The following PCDHGA5 variants were observed in gnomAD, a reference collection of about 807,000 sequenced individuals.
PCDHGA5 encodes the protein protocadherin gamma subfamily A, 5.
In PCDHGA5, 36 loss-of-function variants were observed where a neutral mutation model predicts 56.7. The observed-to-expected ratio is 0.64, with a 90% CI of 0.49 to 0.84. The LOEUF (loss-of-function observed/expected upper bound fraction) is 0.84, where lower values mean the gene tolerates loss of function less well. PCDHGA5 is among the 40% of genes least tolerant of loss of function. The probability of loss-of-function intolerance (pLI) is 0.00; values close to 1 mark genes in which losing one functional copy is unlikely to be tolerated. For synonymous variants in PCDHGA5, 563 were observed against 520.2 expected, an observed-to-expected ratio of 1.08 and a Z score of -1.12; for missense variants, 1,305 against 1,201.5, an observed-to-expected ratio of 1.09 and a Z score of -1.27.
At chr5:141,421,720 G>A (rs372813759) in intron 1 of PCDHGA5, 4 of 1,613,788 alleles carry the variant, frequency 2.5e-6, no homozygotes, top group Non-Finnish European at 3.4e-6. Context: ...AGATGTGGGC[G>A]TGAACTCCCT....
chr5:141,490,132 A>G lies in PCDHGA5; in HGVS notation c.2422-4675A>G, dbSNP rs1245562757. The G allele has an allele frequency of 3.7e-6, 6 of 1,614,102 alleles. No homozygotes were observed. In the African/African-American group the frequency reaches 4.0e-5, roughly 11 times the overall value. ...GCGGAACCTCTTTGGCCTAGACCCTAGCAGTGGGGCAATCCATGTGTTGGG... is the reference window on the plus strand; with the variant it reads ...GCGGAACCTCTTTGGCCTAGACCCTGGCAGTGGGGCAATCCATGTGTTGGG... On this transcript the variant is annotated intron_variant, in intron 1 of 3. Coordinates refer to ENST00000518069, the MANE Select transcript of PCDHGA5 (RefSeq NM_018918.3). The surrounding 1 kb of genome is among the most constrained non-coding windows in gnomAD (Gnocchi z 5.4).
Position 141,389,586 on chromosome 5 carries a change from G to A in PCDHGA5, c.2421+22835G>A, listed in dbSNP as rs369593580. 471 of 1,613,048 alleles carry A rather than the reference G, an allele frequency of 2.9e-4. No homozygotes were observed. Among genetic ancestry groups the A allele is most frequent in the Non-Finnish European group, 3.8e-4 (446 of 1,179,788 alleles). ...GGTGCTGTACCCCGCGCTGGGTCCC[G>A]ACGGCTCTGCGCTCTTCGATATGGT... On this transcript the variant is annotated intron_variant, in intron 1 of 3. Coordinates refer to ENST00000518069, the MANE Select transcript of PCDHGA5 (RefSeq NM_018918.3).
intron 1 of PCDHGA5, among the ~76,000 whole-genome samples, chr5:141,381,823 C>CTTTCTTTCT (rs1777506241): frequency 9.8e-6 from 1 of 101,610 alleles, no homozygotes; most frequent in African/African-American, 4.3e-5. Context: ...TTTCTTTCTT[C>CTTTCTTTCT]TTCTTTTTTT....
Position 141,432,110 on chromosome 5 carries a change from G to T in PCDHGA5, c.2422-62697G>T, listed in dbSNP as rs768038692. The T allele has an allele frequency of 6.2e-7, 1 of 1,614,108 alleles. No homozygotes were observed. Among genetic ancestry groups the T allele is most frequent in the Non-Finnish European group, 8.5e-7 (1 of 1,180,036 alleles). ...GGCAGACACCAACGACAACCCGCCG[G>T]TCTTCCCTCAGGCCTCCTATTCCGC... On this transcript the variant is annotated intron_variant, in intron 1 of 3. Coordinates refer to ENST00000518069, the MANE Select transcript of PCDHGA5 (RefSeq NM_018918.3). The surrounding 1 kb of genome is among the most constrained non-coding windows in gnomAD (Gnocchi z 6.0).
rs201538255 is a variant in PCDHGA5 at position 141,476,796 on chromosome 5, G to A, written c.2422-18011G>A. 10 of 1,613,584 alleles carry A rather than the reference G, an allele frequency of 6.2e-6. No individual in the cohort carries two copies. In the East Asian group the frequency reaches 2.2e-4, roughly 36 times the overall value. On this transcript the variant is annotated intron_variant, in intron 1 of 3. Transcript: ENST00000518069. This position sits in a 1 kb window ranked among gnomAD's most constrained non-coding sequence, Gnocchi z 7.6. Reference sequence around the variant, plus strand: ...GGAGGGACCCCAGCTCTCTCCGCCAGCCTGCCTATTCACATCAAGGTGCTG... The same window carrying A: ...GGAGGGACCCCAGCTCTCTCCGCCAACCTGCCTATTCACATCAAGGTGCTG...
At chr5:141,483,790 AGTT>A (rs963139644) in intron 1 of PCDHGA5, among the ~76,000 whole-genome samples, 14 of 152,290 alleles carry the variant, frequency 9.2e-5, no homozygotes, top group African/African-American at 3.4e-4. Flanking sequence ...TAAGAACTCC[AGTT>A]GTTGCTGCTT....
chr5:141,378,217 G>A (rs977724774), intron 1 of PCDHGA5: 2 of 152,186 alleles, frequency 1.3e-5, no homozygotes, highest in African/African-American at 4.8e-5. Context: ...CATACTGTGT[G>A]CCTGATAGTA....
In PCDHGA5 at chr5:141,365,077, G is replaced by A; in HGVS notation, c.747G>A (p.Val249=). 1 of 1,613,842 alleles carries A rather than the reference G, an allele frequency of 6.2e-7. No homozygotes were observed. Among genetic ancestry groups the A allele is most frequent in the African/African-American group, 1.3e-5 (1 of 75,056 alleles). Residue 249 remains valine, a synonymous_variant, in exon 1 of 4, where the codon GTG becomes GTA. Transcript: ENST00000518069. ...APLFTPSEYS[V]SVPENIPVGT... Reference sequence around the variant, plus strand: ...TGTTCACCCCATCCGAGTACAGCGTGAGTGTTCCAGAGAACATACCTGTGG... The same window carrying A: ...TGTTCACCCCATCCGAGTACAGCGTAAGTGTTCCAGAGAACATACCTGTGG...
chr5:141,432,178 T>C lies in PCDHGA5; in HGVS notation c.2422-62629T>C. Reference sequence around the variant, plus strand: ...ATCCCAGAGGAGTTTCCCTCGTCTCTGTGACCGCCCACGACCCCGACTGTG... The same window carrying C: ...ATCCCAGAGGAGTTTCCCTCGTCTCCGTGACCGCCCACGACCCCGACTGTG... On this transcript the variant is annotated intron_variant, in intron 1 of 3. Transcript: ENST00000518069. The surrounding 1 kb of genome is among the most constrained non-coding windows in gnomAD (Gnocchi z 6.0). 6.2e-7 allele frequency: 1 copy of C among 1,614,184 alleles called. No individual in the cohort carries two copies. The highest frequency in any genetic ancestry group is 8.5e-7 in the Non-Finnish European group (1 of 1,180,036).
chr5:141,375,724 A>T (rs1771805917), intron 1 of PCDHGA5: 1 of 1,614,144 alleles, frequency 6.2e-7, no homozygotes, highest in Non-Finnish European at 8.5e-7. Flanking sequence ...GCAACGTGTC[A>T]CTGAGCCTGT....
chr5:141,457,944 C>A (rs761151349), intron 1 of PCDHGA5, among the ~76,000 whole-genome samples: 33 of 152,310 alleles, frequency 2.2e-4, no homozygotes, highest in Non-Finnish European at 4.6e-4. Context: ...ATTGGCTCTG[C>A]ATGTCAAGCT....
intron 1 of PCDHGA5, chr5:141,418,954 T>G (rs1490406390): frequency 6.2e-7 from 1 of 1,613,914 alleles, no homozygotes; most frequent in East Asian, 2.2e-5. Flanking sequence ...CAGGAGTGGT[T>G]GTTGCCCTCT....
Position 141,365,838 on chromosome 5 carries a change from C to A in PCDHGA5, c.1508C>A (p.Ser503Tyr). 6.2e-7 allele frequency: 1 copy of A among 1,613,976 alleles called. No individual in the cohort carries two copies. Among genetic ancestry groups the A allele is most frequent in the Non-Finnish European group, 8.5e-7 (1 of 1,179,892 alleles). ...EDTFQGAPLSSYVSINSDTGV... is the reference protein window; with the variant it reads ...EDTFQGAPLSYYVSINSDTGV... ...ACATTTCAGGGGGCGCCCTTGTCCT[C>A]CTATGTATCCATTAACTCTGACACC... Residue 503 changes from serine to tyrosine, a missense_variant, in exon 1 of 4, where the codon TCC (serine) becomes TAC (tyrosine). Physicochemically the swap from Ser to Tyr is moderately radical, Grantham distance 144. Coordinates refer to ENST00000518069, the MANE Select transcript of PCDHGA5 (RefSeq NM_018918.3).
At position 141,431,316 on chromosome 5, in the gene PCDHGA5, C is replaced by T; in HGVS notation, c.2422-63491C>T. 6.2e-7 allele frequency: 1 copy of T among 1,614,104 alleles called. No individual in the cohort carries two copies. The highest frequency in any genetic ancestry group is 8.5e-7 in the Non-Finnish European group (1 of 1,180,046). The stretch of plus-strand genomic sequence containing the variant: ...TTCTCCCTCATCGTGCAAAATGGAG[C>T]CGACGGTAGTAAGTACCCCGAATTG... On this transcript the variant is annotated intron_variant, in intron 1 of 3. Transcript: ENST00000518069. The surrounding 1 kb of genome is among the most constrained non-coding windows in gnomAD (Gnocchi z 4.8).
At chr5:141,393,406 G>A (rs762034418) in intron 1 of PCDHGA5, 1 of 1,614,026 alleles carries the variant, frequency 6.2e-7, no homozygotes, top group Admixed American at 1.7e-5. Flanking sequence ...GTGCTGGAGC[G>A]CGCCCTGGAC....
intron 2 of PCDHGA5, among the ~76,000 whole-genome samples, chr5:141,497,603 G>A (rs1045138662): frequency 3.3e-5 from 5 of 149,832 alleles, no homozygotes; most frequent in Non-Finnish European, 7.4e-5. Context: ...GCAGTGGTGC[G>A]ATCTTGGCTC....
At chr5:141,402,534 TAC>T (rs2094278313) in intron 1 of PCDHGA5, among the ~76,000 whole-genome samples, 1 of 152,346 alleles carries the variant, frequency 6.6e-6, no homozygotes, top group Non-Finnish European at 1.5e-5. Context: ...GATTTTATAA[TAC>T]ACTTACAGAA....
At chr5:141,405,024 T>C in intron 1 of PCDHGA5, 1 of 1,613,920 alleles carries the variant, frequency 6.2e-7, no homozygotes, top group Non-Finnish European at 8.5e-7. Flanking sequence ...GACCTTACCC[T>C]CTACCTCGTT....
rs200625256 is a variant in PCDHGA5 at position 141,477,009 on chromosome 5, A to G, written c.2422-17798A>G. 7.5e-5 allele frequency: 121 copies of G among 1,614,064 alleles called. No homozygotes were observed. Among genetic ancestry groups the G allele is most frequent in the Non-Finnish European group, 9.2e-5 (109 of 1,180,028 alleles). On this transcript the variant is annotated intron_variant, in intron 1 of 3. Transcript: ENST00000518069. This position sits in a 1 kb window ranked among gnomAD's most constrained non-coding sequence, Gnocchi z 4.9. The stretch of plus-strand genomic sequence containing the variant: ...GGCGTGCGGCAACTATTCGCCTTAG[A>G]CCTTGTAACCGGGATGCTGACAATC...
Sources: gnomAD v4.1 joint callset for allele counts (sites outside exome capture counted in the v4.1 genomes callset) on GRCh38, gnomAD v4.1.1 for gene constraint, Gnocchi (gnomAD v3.1) non-coding constraint, MANE v1.5 for transcripts, NCBI Gene and HGNC (gene_info 2026-07-23, HGNC 2026-07-21) for gene names.